FRMD4A: variants seen among roughly 807,000 people sequenced by gnomAD.
FRMD4A encodes the protein FERM domain containing 4A, also known as FERM domain-containing protein 4A.
In FRMD4A, 29 loss-of-function variants were observed where a neutral mutation model predicts 129.1. The observed-to-expected ratio is 0.22, with a 90% CI of 0.17 to 0.31. The LOEUF (loss-of-function observed/expected upper bound fraction) is 0.31, where lower values mean the gene tolerates loss of function less well. Among genes scored for constraint, FRMD4A ranks in the 10% least tolerant of loss-of-function variants. FRMD4A has a pLI of 1.00. For synonymous variants in FRMD4A, 634 were observed against 571.6 expected (o/e 1.11, Z -1.56); for missense variants, 1,272 against 1,375.8 (o/e 0.92, Z 1.19).
intron 2 of FRMD4A, among the ~76,000 whole-genome samples, chr10:14,098,195 C>G (rs1837101604): frequency 6.7e-6 from 1 of 149,120 alleles, no homozygotes. Context: ...CTAGAATACT[C>G]TCACTGGATT....
intron 2 of FRMD4A, among the ~76,000 whole-genome samples, chr10:14,243,429 C>G (rs1844121012): frequency 6.6e-6 from 1 of 152,180 alleles, no homozygotes. Flanking sequence ...GCCATAGTTT[C>G]CTGAGGCCTC....
intron 2 of FRMD4A, among the ~76,000 whole-genome samples, chr10:14,198,736 G>T (rs1289634841): frequency 1.3e-5 from 2 of 152,104 alleles, no homozygotes; most frequent in Non-Finnish European, 2.9e-5. Flanking sequence ...TCCATCCACG[G>T]TGCGTTATCT....
chr10:14,127,952 T>TTCTC (rs1838955096), intron 2 of FRMD4A, among the ~76,000 whole-genome samples: 1 of 23,050 alleles, frequency 4.3e-5, no homozygotes, highest in African/African-American at 2.7e-4. Context: ...CTTTCTTTCT[T>TTCTC]TCTTTCTTTC....
intron 2 of FRMD4A, among the ~76,000 whole-genome samples, chr10:14,113,618 C>A (rs758838543): frequency 2.0e-5 from 3 of 151,978 alleles, no homozygotes; most frequent in Admixed American, 2.0e-4. Context: ...GCCCCTAACC[C>A]CTATGTTGTT....
intron 2 of FRMD4A, among the ~76,000 whole-genome samples, chr10:14,043,471 T>A (rs866457866): frequency 6.6e-6 from 1 of 152,310 alleles, no homozygotes; most frequent in South Asian, 2.1e-4. Context: ...AATTCTCCCA[T>A]TTCATCTCCT....
At chr10:14,328,269 T>C (rs1391824977) in intron 2 of FRMD4A, among the ~76,000 whole-genome samples, 1 of 149,314 alleles carries the variant, frequency 6.7e-6, no homozygotes, top group African/African-American at 2.5e-5. Flanking sequence ...CAGAGGCCAC[T>C]GACAAATGGA....
chr10:14,166,827 C>A (rs772579301), intron 2 of FRMD4A, among the ~76,000 whole-genome samples: 16 of 152,246 alleles, frequency 1.1e-4, no homozygotes, highest in Non-Finnish European at 2.2e-4. Flanking sequence ...TAACCAGTTG[C>A]TTTGGCCTTC....
At chr10:14,028,997 T>C (rs1384988828) in intron 2 of FRMD4A, among the ~76,000 whole-genome samples, 1 of 152,234 alleles carries the variant, frequency 6.6e-6, no homozygotes, top group Non-Finnish European at 1.5e-5. Context: ...CTAAGAATGA[T>C]CTGACATGAA....
chr10:13,683,465 T>C (rs1198813703), intron 15 of FRMD4A, among the ~76,000 whole-genome samples: 1 of 150,732 alleles, frequency 6.6e-6, no homozygotes, highest in Non-Finnish European at 1.5e-5. Flanking sequence ...GATGTGGTGG[T>C]AAACGCCTGT....
intron 2 of FRMD4A, among the ~76,000 whole-genome samples, chr10:14,255,015 A>T (rs1428486662): frequency 1.3e-5 from 2 of 152,126 alleles, no homozygotes; most frequent in African/African-American, 2.4e-5. Flanking sequence ...CTTGTAACCC[A>T]TCAAGCAAAC....
chr10:13,979,911 G>A (rs536681233), intron 2 of FRMD4A, among the ~76,000 whole-genome samples: 11 of 152,304 alleles, frequency 7.2e-5, no homozygotes, highest in African/African-American at 2.2e-4. Context: ...CTCTCTAACA[G>A]GCAGGGCCAT....
chr10:13,714,778 G>A (rs536791932), intron 12 of FRMD4A, among the ~76,000 whole-genome samples: 25 of 152,096 alleles, frequency 1.6e-4, no homozygotes, highest in Middle Eastern at 3.4e-3. Flanking sequence ...GGTGGCTCAT[G>A]CCTGTAATCC....
intron 6 of FRMD4A, among the ~76,000 whole-genome samples, chr10:13,773,914 G>C (rs2092529276): frequency 6.6e-6 from 1 of 152,238 alleles, no homozygotes; most frequent in Admixed American, 6.5e-5. Context: ...GATGGAAAAG[G>C]CTTGGCGGGA....
chr10:14,135,909 T>C (rs993107938), intron 2 of FRMD4A, among the ~76,000 whole-genome samples: 2 of 152,306 alleles, frequency 1.3e-5, no homozygotes, highest in Middle Eastern at 3.4e-3. Context: ...ATTCTAACAA[T>C]CGCACAAATA....
chr10:13,995,134 G>C (rs913093009), intron 2 of FRMD4A, among the ~76,000 whole-genome samples: 2 of 152,154 alleles, frequency 1.3e-5, no homozygotes, highest in African/African-American at 4.8e-5. Flanking sequence ...CATGAGACAT[G>C]TTTCTCTTAT....
At chr10:14,025,336 G>T (rs2131652411) in intron 2 of FRMD4A, among the ~76,000 whole-genome samples, 1 of 151,540 alleles carries the variant, frequency 6.6e-6, no homozygotes, top group East Asian at 1.9e-4. Flanking sequence ...GGAAATTGTG[G>T]TAAAATATAC....
At chr10:13,781,114 C>T (rs1333619965) in intron 6 of FRMD4A, among the ~76,000 whole-genome samples, 1 of 151,848 alleles carries the variant, frequency 6.6e-6, no homozygotes, top group Non-Finnish European at 1.5e-5. Flanking sequence ...ACCAGCCTGG[C>T]CAACATGGTG....
At chr10:14,219,379 A>G (rs930833587) in intron 2 of FRMD4A, among the ~76,000 whole-genome samples, 1 of 152,228 alleles carries the variant, frequency 6.6e-6, no homozygotes, top group Non-Finnish European at 1.5e-5. Context: ...AAGTGAAATT[A>G]GGTAATCCAC....
chr10:13,926,465 G>A (rs1187565115), intron 2 of FRMD4A, among the ~76,000 whole-genome samples: 1 of 152,158 alleles, frequency 6.6e-6, no homozygotes, highest in Non-Finnish European at 1.5e-5. Flanking sequence ...ATAATAAAAA[G>A]CAACACAACA....
Sources: allele counts gnomAD v4.1 joint callset (sites outside exome capture counted in the v4.1 genomes callset), GRCh38; gene constraint gnomAD v4.1.1; transcripts MANE v1.5; gene names NCBI Gene and HGNC (gene_info 2026-07-23, HGNC 2026-07-21).